The following MAP2K5 variants were observed in gnomAD, a reference collection of about 807,000 sequenced individuals.
MAP2K5 encodes the protein mitogen-activated protein kinase kinase 5.
Under a neutral mutation model 83.1 loss-of-function variants are expected in MAP2K5, and 49 were observed. That is an observed-to-expected ratio of 0.59 (90% CI 0.47 to 0.75). The LOEUF (loss-of-function observed/expected upper bound fraction) is 0.75, where lower values mean the gene tolerates loss of function less well. MAP2K5 is among the 30% of genes least tolerant of loss of function. MAP2K5 has a pLI of 0.00. For synonymous variants in MAP2K5, 202 were observed against 191.8 expected, an observed-to-expected ratio of 1.05 and a Z score of -0.44; for missense variants, 457 against 557.5, an observed-to-expected ratio of 0.82 and a Z score of 1.82.
chr15:67,787,205 T>C (rs2090435299), intron 21 of MAP2K5, among the ~76,000 whole-genome samples: 1 of 152,228 alleles, frequency 6.6e-6, no homozygotes, highest in South Asian at 2.1e-4. Flanking sequence ...AGCTGATTCG[T>C]GCATAGGAAT....
chr15:67,550,543 C>T (rs2084486279), intron 2 of MAP2K5, among the ~76,000 whole-genome samples: 1 of 152,172 alleles, frequency 6.6e-6, no homozygotes, highest in African/African-American at 2.4e-5. Flanking sequence ...CACTTCAGGT[C>T]TTTAGTCCTT....
rs535312728 is a variant in MAP2K5, at chr15:67,612,807, C to G, written c.545+12058C>G. Among the ~76,000 whole-genome samples the G allele has an allele frequency of 8.5e-5, 13 of 152,294 alleles. No individual in the cohort carries two copies. In the South Asian group the frequency reaches 2.7e-3, roughly 32 times the overall value. ...TCACAGCCTAGTTGATGAAACTGTTCAATTAAAGCACAGGCATTTACATGG... is the reference window on the plus strand; with the variant it reads ...TCACAGCCTAGTTGATGAAACTGTTGAATTAAAGCACAGGCATTTACATGG... On this transcript the variant is annotated intron_variant, in intron 8 of 21. Coordinates refer to ENST00000178640, the MANE Select transcript of MAP2K5 (RefSeq NM_145160.3).
At chr15:67,726,644 T>C (rs1010866081) in intron 16 of MAP2K5, among the ~76,000 whole-genome samples, 3 of 152,218 alleles carry the variant, frequency 2.0e-5, no homozygotes, top group African/African-American at 7.2e-5. Flanking sequence ...CTGGATTAAG[T>C]TGCAAATCTT....
At chr15:67,627,298 T>G (rs1013137983) in intron 8 of MAP2K5, among the ~76,000 whole-genome samples, 1 of 152,208 alleles carries the variant, frequency 6.6e-6, no homozygotes, top group African/African-American at 2.4e-5. Flanking sequence ...GAGGTTGTTA[T>G]TTGAGAATAT....
At chr15:67,546,177 A>T (rs1236206049) in intron 1 of MAP2K5, 1 of 152,270 alleles carries the variant, frequency 6.6e-6, no homozygotes, top group Admixed American at 6.5e-5. Context: ...TCTGTTCTCC[A>T]GGTTTACTTC....
At chr15:67,568,108 C>T (rs1051778205) in intron 3 of MAP2K5, among the ~76,000 whole-genome samples, 1 of 152,128 alleles carries the variant, frequency 6.6e-6, no homozygotes, top group Non-Finnish European at 1.5e-5. Context: ...TAATTTTCAT[C>T]ATTTTGTCTA....
At position 67,793,071 on chromosome 15, in the gene MAP2K5, G is replaced by A. The variant is rs543338536; in HGVS notation, c.1243-13575G>A. ...AACTTTAAAAAATTACAAGCAAGAGGTCTTAAATGTGTTATAACACTGCTC... is the reference window on the plus strand; with the variant it reads ...AACTTTAAAAAATTACAAGCAAGAGATCTTAAATGTGTTATAACACTGCTC... On this transcript the variant is annotated intron_variant, in intron 21 of 21. Coordinates refer to ENST00000178640, the MANE Select transcript of MAP2K5 (RefSeq NM_145160.3). The surrounding 1 kb of genome is among the most constrained non-coding windows in gnomAD (Gnocchi z 4.6). Among the ~76,000 whole-genome samples the A allele has an allele frequency of 6.6e-6, 1 of 152,298 alleles. No individual in the cohort carries two copies. The highest frequency in any genetic ancestry group is 2.1e-4 in the South Asian group (1 of 4,820).
chr15:67,594,606 G>C (rs967969577), intron 7 of MAP2K5, among the ~76,000 whole-genome samples: 2 of 152,082 alleles, frequency 1.3e-5, no homozygotes, highest in African/African-American at 4.8e-5. Context: ...ATAATGTTTT[G>C]ACAGTAAGCC....
In MAP2K5 at chr15:67,758,480, C is replaced by G. The variant is rs137915138; in HGVS notation, c.1134+9879C>G. ...ACTATATTCATTCCTGCTCCAGATTCAATTATGAGTTTAACAACTAGACTC... is the reference window on the plus strand; with the variant it reads ...ACTATATTCATTCCTGCTCCAGATTGAATTATGAGTTTAACAACTAGACTC... On this transcript the variant is annotated intron_variant, in intron 19 of 21. Coordinates refer to ENST00000178640, the MANE Select transcript of MAP2K5 (RefSeq NM_145160.3). This position sits in a 1 kb window ranked among gnomAD's most constrained non-coding sequence, Gnocchi z 4.7. 1.3e-4 allele frequency among the ~76,000 whole-genome samples: 19 copies of G among 151,792 alleles called. No individual in the cohort carries two copies. The East Asian group carries it at 3.5e-3, about 28-fold the overall frequency.
chr15:67,621,434 G>GAAAAAAAA (rs11449678), intron 8 of MAP2K5, among the ~76,000 whole-genome samples: 3 of 118,958 alleles, frequency 2.5e-5, no homozygotes, highest in Non-Finnish European at 5.1e-5. Flanking sequence ...ACAAAAGTTT[G>GAAAAAAAA]AAAAAAAAAA....
chr15:67,609,435 A>G (rs896577745), intron 8 of MAP2K5, among the ~76,000 whole-genome samples: 2 of 152,018 alleles, frequency 1.3e-5, no homozygotes, highest in Non-Finnish European at 1.5e-5. Context: ...CTATAGGTCT[A>G]TAGATTCTGT....
Position 67,676,970 on chromosome 15 carries a change from A to G in MAP2K5, c.847+12325A>G, listed in dbSNP as rs919483293. Among the ~76,000 whole-genome samples, 3 of 152,218 alleles carry G rather than the reference A, an allele frequency of 2.0e-5. No individual in the cohort carries two copies. Among genetic ancestry groups the G allele is most frequent in the African/African-American group, 7.2e-5 (3 of 41,452 alleles). ...GTCATAGCATTGTACCTGGCATATA[A>G]CAGCTATTATTATGTCAAATAATTA... On this transcript the variant is annotated intron_variant, in intron 13 of 21. Transcript: ENST00000178640. This position sits in a 1 kb window ranked among gnomAD's most constrained non-coding sequence, Gnocchi z 4.8.
rs1458003531 is a variant in MAP2K5, at chr15:67,741,683, A to C, written c.1075-6548A>C. ...GGGGGAGTGTTGTTGGAGTATCCTTAGTAATAAAGGGGAGAAGGATAGAGG... is the reference window on the plus strand; with the variant it reads ...GGGGGAGTGTTGTTGGAGTATCCTTCGTAATAAAGGGGAGAAGGATAGAGG... On this transcript the variant is annotated intron_variant, in intron 17 of 21. Coordinates refer to ENST00000178640, the MANE Select transcript of MAP2K5 (RefSeq NM_145160.3). 2.6e-5 allele frequency among the ~76,000 whole-genome samples: 4 copies of C among 152,110 alleles called. No individual in the cohort carries two copies. The East Asian group carries it at 7.7e-4, about 29-fold the overall frequency.
intron 20 of MAP2K5, 64 bp from the exon 21 acceptor site, chr15:67,772,643 A>G: frequency 9.0e-7 from 1 of 1,115,092 alleles, no homozygotes; most frequent in Non-Finnish European, 1.3e-6. Context: ...CCATTGGTAG[A>G]AATTATAGCA....
At chr15:67,633,039 C>T (rs2086511016) in intron 9 of MAP2K5, among the ~76,000 whole-genome samples, 1 of 152,212 alleles carries the variant, frequency 6.6e-6, no homozygotes, top group Non-Finnish European at 1.5e-5. Flanking sequence ...TCACCTGTTA[C>T]AGCCCCCACA....
chr15:67,567,715 A>G (rs548497067), intron 3 of MAP2K5, among the ~76,000 whole-genome samples: 2 of 152,354 alleles, frequency 1.3e-5, no homozygotes, highest in Non-Finnish European at 2.9e-5. Flanking sequence ...AAAAAAATAC[A>G]CACAACCTAC....
intron 2 of MAP2K5, among the ~76,000 whole-genome samples, chr15:67,558,121 A>C (rs2084664438): frequency 6.6e-6 from 1 of 152,190 alleles, no homozygotes; most frequent in Admixed American, 6.5e-5. Flanking sequence ...ATTTGTATGA[A>C]AATTAAGAAG....
rs951666694 is a variant in MAP2K5, at chr15:67,755,161, T to C, written c.1134+6560T>C. ...AGCTAATTTTTTTGTGTGTTTTTAG[T>C]AGAGATGGGGTTTCACCATGTTGGC... On this transcript the variant is annotated intron_variant, in intron 19 of 21. Coordinates refer to ENST00000178640, the MANE Select transcript of MAP2K5 (RefSeq NM_145160.3). The surrounding 1 kb of genome is among the most constrained non-coding windows in gnomAD (Gnocchi z 4.7). 1.3e-5 allele frequency among the ~76,000 whole-genome samples: 2 copies of C among 152,084 alleles called. No individual in the cohort carries two copies. Among genetic ancestry groups the C allele is most frequent in the African/African-American group, 4.8e-5 (2 of 41,408 alleles).
In MAP2K5 at chr15:67,747,294, C is replaced by T. The variant is rs1225767146; in HGVS notation, c.1075-937C>T. On this transcript the variant is annotated intron_variant, in intron 17 of 21. Transcript: ENST00000178640. This position sits in a 1 kb window ranked among gnomAD's most constrained non-coding sequence, Gnocchi z 4.1. Reference sequence around the variant, plus strand: ...TATTACTAGTTTCCCTGTATTTTACCGGCTGGTTGGAGCCCAGTTATCTCA... The same window carrying T: ...TATTACTAGTTTCCCTGTATTTTACTGGCTGGTTGGAGCCCAGTTATCTCA... Among the ~76,000 whole-genome samples, 5 of 152,208 alleles carry T rather than the reference C, an allele frequency of 3.3e-5. No homozygotes were observed. The highest frequency in any genetic ancestry group is 5.9e-5 in the Non-Finnish European group (4 of 67,994).
Sources: allele counts gnomAD v4.1 joint callset (sites outside exome capture counted in the v4.1 genomes callset), GRCh38; gene constraint gnomAD v4.1.1; non-coding constraint Gnocchi (gnomAD v3.1); transcripts MANE v1.5; gene names NCBI Gene and HGNC (gene_info 2026-07-23, HGNC 2026-07-21).